PCBP3: variants seen among roughly 807,000 people sequenced by gnomAD.
PCBP3 encodes the protein poly(rC) binding protein 3, also known as poly(rC)-binding protein 3.
A neutral mutation model predicts 52.7 loss-of-function variants in PCBP3; 25 were observed. That is an observed-to-expected ratio of 0.47 (90% confidence interval 0.35 to 0.66). PCBP3 has a LOEUF of 0.66. Among genes scored for constraint, PCBP3 ranks in the 30% least tolerant of loss-of-function variants. The pLI, the probability that PCBP3 is intolerant of heterozygous loss-of-function variation, is 0.01. For synonymous variants in PCBP3, 162 were observed against 183.0 expected (o/e 0.89, Z 0.93); for missense variants, 391 against 490.3 (o/e 0.80, Z 1.91).
chr21:45,659,145 G>A (rs2080216017), intron 1 of PCBP3, among the ~76,000 whole-genome samples: 1 of 149,180 alleles, frequency 6.7e-6, no homozygotes. Context: ...ATTTTTGCTC[G>A]AATATTTGTT....
intron 1 of PCBP3, among the ~76,000 whole-genome samples, chr21:45,663,536 T>C (rs1402901112): frequency 2.6e-5 from 4 of 152,216 alleles, no homozygotes; most frequent in Non-Finnish European, 5.9e-5. Context: ...TTTAAGTTTT[T>C]AATCCATCTT....
chr21:45,832,289 A>G (rs961191314), intron 4 of PCBP3, among the ~76,000 whole-genome samples: 2 of 152,164 alleles, frequency 1.3e-5, no homozygotes, highest in Non-Finnish European at 2.9e-5. Context: ...GCTCATCTCC[A>G]TCTTAGTTTT....
chr21:45,730,584 G>A (rs1194803632), intron 2 of PCBP3, among the ~76,000 whole-genome samples: 2 of 152,016 alleles, frequency 1.3e-5, no homozygotes, highest in East Asian at 1.9e-4. Flanking sequence ...CCTATATCCC[G>A]TACTGATCTT....
chr21:45,658,100 G>A (rs2080136905), intron 1 of PCBP3, among the ~76,000 whole-genome samples: 1 of 152,078 alleles, frequency 6.6e-6, no homozygotes, highest in Non-Finnish European at 1.5e-5. Context: ...ATTTTGTTGA[G>A]TGTTATTATC....
chr21:45,909,308 A>G, intron 9 of PCBP3, 47 bp from the exon 10 acceptor site: 1 of 1,585,710 alleles, frequency 6.3e-7, no homozygotes. Flanking sequence ...CTGCTTTCTC[A>G]CTGCACGACG....
intron 2 of PCBP3, among the ~76,000 whole-genome samples, chr21:45,669,284 C>T (rs1308337553): frequency 3.3e-5 from 5 of 152,056 alleles, no homozygotes; most frequent in African/African-American, 4.8e-5. Context: ...CTTTCTTCAG[C>T]AGCACTCAAT....
At chr21:45,892,292 A>T (rs1375887317) in intron 5 of PCBP3, among the ~76,000 whole-genome samples, 3 of 152,178 alleles carry the variant, frequency 2.0e-5, no homozygotes, top group African/African-American at 7.2e-5. Context: ...ATCAGGACAA[A>T]GGGGAAGTTC....
At chr21:45,676,718 T>G (rs1352311946) in intron 2 of PCBP3, among the ~76,000 whole-genome samples, 2 of 152,150 alleles carry the variant, frequency 1.3e-5, no homozygotes, top group African/African-American at 4.8e-5. Flanking sequence ...AACCCTTCAG[T>G]GGCCTCTACA....
At chr21:45,738,150 G>A (rs1350108845) in intron 3 of PCBP3, among the ~76,000 whole-genome samples, 1 of 152,082 alleles carries the variant, frequency 6.6e-6, no homozygotes. Flanking sequence ...TTCAGCTACA[G>A]CAAGATCAGG....
chr21:45,861,105 T>A (rs1056712244), intron 5 of PCBP3, among the ~76,000 whole-genome samples: 1 of 151,910 alleles, frequency 6.6e-6, no homozygotes, highest in African/African-American at 2.4e-5. Context: ...CACCCTCAGC[T>A]CCTCCCTTCA....
At chr21:45,885,687 T>A (rs947478312) in intron 5 of PCBP3, among the ~76,000 whole-genome samples, 2 of 152,198 alleles carry the variant, frequency 1.3e-5, no homozygotes, top group Admixed American at 6.5e-5. Context: ...TTTCTAGTTC[T>A]GTCGTTCCCT....
At chr21:45,908,875 TCTC>T (rs2096271088) in intron 9 of PCBP3, among the ~76,000 whole-genome samples, 1 of 151,848 alleles carries the variant, frequency 6.6e-6, no homozygotes, top group Admixed American at 6.6e-5. Flanking sequence ...TAACCACACA[TCTC>T]CTTCCCTAGG....
rs1195296616 is a variant in PCBP3, at chr21:45,941,747, A to T, written c.*41A>T. 1 of 1,567,198 alleles carries T rather than the reference A, an allele frequency of 6.4e-7. No homozygotes were observed. Among genetic ancestry groups the T allele is most frequent in the African/African-American group, 1.4e-5 (1 of 73,626 alleles). On this transcript the variant is annotated 3_prime_UTR_variant, in exon 18 of 18. Transcript: ENST00000681687. ...TTCCCCCGCGTCACCCACCTGCCAG[A>T]GCCTAAGGCCCCCGGCTCTCGCACT...
At chr21:45,806,325 A>G (rs527284968) in intron 4 of PCBP3, among the ~76,000 whole-genome samples, 363 of 151,512 alleles carry the variant, frequency 2.4e-3, no homozygotes, top group South Asian at 9.3e-3. Flanking sequence ...CCCTCACTGC[A>G]CAGAAAGGGA....
At chr21:45,862,172 C>T (rs563422400) in intron 5 of PCBP3, among the ~76,000 whole-genome samples, 1 of 86,680 alleles carries the variant, frequency 1.2e-5, no homozygotes, top group East Asian at 4.6e-4. Context: ...TAAGTTTCAA[C>T]ATAGGAATTG....
intron 4 of PCBP3, chr21:45,848,263 C>A (rs542592316): frequency 2.0e-5 from 3 of 152,044 alleles, no homozygotes; most frequent in Non-Finnish European, 4.4e-5. Flanking sequence ...GGTTACTTGG[C>A]GAATATTCTA....
At chr21:45,700,146 A>G (rs575224342) in intron 2 of PCBP3, among the ~76,000 whole-genome samples, 88 of 152,306 alleles carry the variant, frequency 5.8e-4, no homozygotes, top group Admixed American at 2.1e-3. Flanking sequence ...AATAGCAGGA[A>G]AAGCTCCCTG....
chr21:45,676,612 T>A (rs966227564), intron 2 of PCBP3, among the ~76,000 whole-genome samples: 5 of 152,200 alleles, frequency 3.3e-5, no homozygotes, highest in Non-Finnish European at 7.3e-5. Flanking sequence ...TTCTATGTGT[T>A]CTGACTGCTC....
chr21:45,720,762 C>T (rs191545164), intron 2 of PCBP3, among the ~76,000 whole-genome samples: 1 of 152,358 alleles, frequency 6.6e-6, no homozygotes, highest in African/African-American at 2.4e-5. Context: ...TAACGTCCAG[C>T]AGCTCAGCAC....
Sources: gnomAD v4.1 joint callset for allele counts (sites outside exome capture counted in the v4.1 genomes callset) on GRCh38, gnomAD v4.1.1 for gene constraint, MANE v1.5 for transcripts, NCBI Gene and HGNC (gene_info 2026-07-23, HGNC 2026-07-21) for gene names.